The following SNX27 variants were observed in gnomAD, a reference collection of about 807,000 sequenced individuals.
SNX27 encodes sorting nexin-27.
A neutral mutation model predicts 71.6 loss-of-function variants in SNX27; 22 were observed. The ratio of observed to expected loss-of-function variants is 0.31; its 90% CI spans 0.22 to 0.44. The LOEUF is 0.44. Ranked by LOEUF, SNX27 falls within the 20% of genes least tolerant of loss-of-function variation. SNX27 has a pLI of 1.00. For synonymous variants in SNX27, 269 were observed against 277.2 expected (o/e 0.97, Z 0.29); for missense variants, 531 against 698.6 (o/e 0.76, Z 2.70).
chr1:151,676,749 T>G (rs927678875), intron 7 of SNX27: 1 of 152,194 alleles, frequency 6.6e-6, no homozygotes, highest in African/African-American at 2.4e-5. Flanking sequence ...GTCACAATAT[T>G]TTATTTTTAA....
In SNX27 at chr1:151,617,878, G is replaced by GT. The variant is rs35075644; in HGVS notation, c.311+5389dup. On this transcript the variant is annotated intron_variant, in intron 1 of 11. Coordinates refer to ENST00000458013, the MANE Select transcript of SNX27 (RefSeq NM_001330723.2). ...TTGAATATTTTCTCTTTTTAGAGCT[G>GT]TTTTTTTTTTTTTTTTTTTTTTTAA... Among the ~76,000 whole-genome samples, 200 of 116,364 alleles carry GT rather than the reference G, an allele frequency of 1.7e-3. 2 individuals are homozygous for GT. The highest frequency in any genetic ancestry group is 0.011 in the East Asian group (44 of 3,992). The allele number at this position is 116,364 out of a possible 152,430, so 76.3% of individuals were successfully genotyped here.
intron 7 of SNX27, among the ~76,000 whole-genome samples, chr1:151,682,497 A>AT (rs1398383868): frequency 6.6e-6 from 1 of 151,834 alleles, no homozygotes; most frequent in Non-Finnish European, 1.5e-5. Context: ...AATTTTTTGT[A>AT]TTTTTAGTAG....
intron 2 of SNX27, among the ~76,000 whole-genome samples, chr1:151,642,411 A>G (rs1420702267): frequency 6.6e-6 from 1 of 151,892 alleles, no homozygotes; most frequent in Non-Finnish European, 1.5e-5. Flanking sequence ...ATGTTTTGTA[A>G]ATATTTGAGT....
intron 11 of SNX27, chr1:151,693,882 T>C (rs1671580554): frequency 1.4e-6 from 2 of 1,399,044 alleles, no homozygotes; most frequent in African/African-American, 1.4e-5. Flanking sequence ...GAACCAAGAA[T>C]GTTTGTGTGA....
intron 7 of SNX27, chr1:151,679,900 A>G (rs1406818036): frequency 6.6e-6 from 1 of 152,206 alleles, no homozygotes; most frequent in African/African-American, 2.4e-5. Flanking sequence ...AGAATTGTCA[A>G]TGTAAGCATG....
chr1:151,678,324 A>T (rs188783081), intron 7 of SNX27: 2 of 152,320 alleles, frequency 1.3e-5, no homozygotes, highest in East Asian at 3.9e-4. Flanking sequence ...ACTACTTTAG[A>T]TATTTAATGT....
intron 7 of SNX27, among the ~76,000 whole-genome samples, chr1:151,669,624 TTCACTACCACCATC>T (rs1670370944): frequency 6.6e-6 from 1 of 152,250 alleles, no homozygotes; most frequent in Admixed American, 6.5e-5. Context: ...GGGATTGCCC[TTCACTACCACCATC>T]TCCTGTTTCC....
chr1:151,657,143 T>C (rs1258198228), intron 2 of SNX27, among the ~76,000 whole-genome samples: 1 of 152,184 alleles, frequency 6.6e-6, no homozygotes, highest in African/African-American at 2.4e-5. Flanking sequence ...ATTATCTGCT[T>C]AAGGAACTAA....
intron 1 of SNX27, among the ~76,000 whole-genome samples, chr1:151,624,727 C>T (rs1002393324): frequency 1.3e-5 from 2 of 151,904 alleles, no homozygotes; most frequent in Non-Finnish European, 1.5e-5. Flanking sequence ...CCACCACGCC[C>T]GGCCAGCTTG....
rs553595252 is a variant in SNX27, at chr1:151,620,147, TTGTC to T, written c.311+7639_311+7642del. Among the ~76,000 whole-genome samples the T allele has an allele frequency of 1.1e-3, 174 of 152,334 alleles. 1 individual carries two copies. Among genetic ancestry groups the T allele is most frequent in the African/African-American group, 4.0e-3 (167 of 41,558 alleles). On this transcript the variant is annotated intron_variant, in intron 1 of 11. Transcript: ENST00000458013. The stretch of plus-strand genomic sequence containing the variant: ...CTAGCAAGGGGCTTAAAGTTGCTGT[TTGTC>T]TGTAGACATTTGTGATGATAGAAAC...
chr1:151,687,037 TTTAC>T (rs1304786994), intron 8 of SNX27, among the ~76,000 whole-genome samples: 8 of 152,354 alleles, frequency 5.3e-5, no homozygotes, highest in African/African-American at 1.4e-4. Flanking sequence ...ATTTTTGTTT[TTTAC>T]TTACTTACAA....
At chr1:151,686,992 G>A (rs1054269672) in intron 8 of SNX27, among the ~76,000 whole-genome samples, 22 of 152,234 alleles carry the variant, frequency 1.4e-4, no homozygotes, top group African/African-American at 5.3e-4. Flanking sequence ...GCTCACGTCT[G>A]TGCATAGTTT....
In SNX27 at chr1:151,612,906, C is replaced by T. The variant is rs981758836; in HGVS notation, c.311+394C>T. Among the ~76,000 whole-genome samples the T allele has an allele frequency of 6.6e-6, 1 of 152,040 alleles. No homozygotes were observed. Among genetic ancestry groups the T allele is most frequent in the Non-Finnish European group, 1.5e-5 (1 of 68,012 alleles). On this transcript the variant is annotated intron_variant, in intron 1 of 11. Coordinates refer to ENST00000458013, the MANE Select transcript of SNX27 (RefSeq NM_001330723.2). This position sits in a 1 kb window ranked among gnomAD's most constrained non-coding sequence, Gnocchi z 5.2. ...ACTGACGGCGTTTCGTTTTCTGATC[C>T]AGCCAGTACCGTGTCCCCCCCAAGT...
intron 1 of SNX27, among the ~76,000 whole-genome samples, chr1:151,626,876 T>TTTTTG (rs1667970425): frequency 1.3e-5 from 2 of 152,074 alleles, no homozygotes; most frequent in Admixed American, 6.5e-5. Context: ...GACAAGATAG[T>TTTTTG]TTTTGTTTTG....
At chr1:151,673,125 C>A (rs1410040285) in intron 7 of SNX27, among the ~76,000 whole-genome samples, 1 of 151,622 alleles carries the variant, frequency 6.6e-6, no homozygotes, top group Non-Finnish European at 1.5e-5. Flanking sequence ...CTTCTTAGTA[C>A]TGCTTTTGCT....
intron 1 of SNX27, among the ~76,000 whole-genome samples, chr1:151,616,754 T>C (rs972603787): frequency 9.2e-5 from 14 of 152,194 alleles, no homozygotes; most frequent in African/African-American, 1.4e-4. Context: ...ATCATGGTTA[T>C]TGATCAAAGG....
At chr1:151,645,452 C>T (rs965400389) in intron 2 of SNX27, among the ~76,000 whole-genome samples, 23 of 152,142 alleles carry the variant, frequency 1.5e-4, no homozygotes, top group Admixed American at 1.3e-3. Flanking sequence ...TGAGGAGTAT[C>T]GATGTTTTTG....
At chr1:151,658,985 TTATC>T (rs1669832334) in intron 3 of SNX27, among the ~76,000 whole-genome samples, 1 of 152,218 alleles carries the variant, frequency 6.6e-6, no homozygotes, top group African/African-American at 2.4e-5. Context: ...TAGGGTTATA[TTATC>T]TGCCAGCAAA....
intron 2 of SNX27, among the ~76,000 whole-genome samples, chr1:151,645,313 G>A (rs1167503925): frequency 2.0e-5 from 3 of 152,120 alleles, no homozygotes; most frequent in South Asian, 4.1e-4. Flanking sequence ...ATTGGTTTCT[G>A]TTAAATGTCT....
Sources: gnomAD v4.1 joint callset for allele counts (sites outside exome capture counted in the v4.1 genomes callset) on GRCh38, gnomAD v4.1.1 for gene constraint, Gnocchi (gnomAD v3.1) non-coding constraint, MANE v1.5 for transcripts, NCBI Gene and HGNC (gene_info 2026-07-23, HGNC 2026-07-21) for gene names.